CHD7: variants seen among roughly 807,000 people sequenced by gnomAD.
CHD7 encodes ATP-dependent chromatin remodeler CHD7.
A neutral mutation model predicts 307.3 loss-of-function variants in CHD7; 24 were observed. That is an observed-to-expected ratio of 0.08 (90% CI 0.06 to 0.11). The LOEUF is 0.11. Among genes scored for constraint, CHD7 ranks in the 10% least tolerant of loss-of-function variants. CHD7 has a pLI of 1.00. For synonymous variants in CHD7, 1,363 were observed against 1,349.9 expected, an observed-to-expected ratio of 1.01 and a Z score of -0.21; for missense variants, 3,106 against 3,727.1, an observed-to-expected ratio of 0.83 and a Z score of 4.34.
intron 1 of CHD7, among the ~76,000 whole-genome samples, chr8:60,680,759 G>T (rs188715827): frequency 6.6e-6 from 1 of 152,238 alleles, no homozygotes; most frequent in East Asian, 1.9e-4. Flanking sequence ...CCCACATGGA[G>T]AGAGTTTCCT....
At chr8:60,734,340 G>A (rs916769014) in intron 1 of CHD7, among the ~76,000 whole-genome samples, 1 of 152,160 alleles carries the variant, frequency 6.6e-6, no homozygotes, top group Non-Finnish European at 1.5e-5. Context: ...ACCAGCTCCC[G>A]GGGGTGCCAG....
chr8:60,765,025 G>A (rs1810398202), intron 2 of CHD7, among the ~76,000 whole-genome samples: 1 of 152,190 alleles, frequency 6.6e-6, no homozygotes. Flanking sequence ...GTAAATGCAC[G>A]AGGCAGCATG....
At chr8:60,737,014 A>T (rs1808746267) in intron 1 of CHD7, among the ~76,000 whole-genome samples, 1 of 152,080 alleles carries the variant, frequency 6.6e-6, no homozygotes, top group African/African-American at 2.4e-5. Flanking sequence ...TAAAAATTTA[A>T]CATGTGTTAT....
At chr8:60,760,304 A>C (rs1031982136) in intron 2 of CHD7, among the ~76,000 whole-genome samples, 2 of 151,590 alleles carry the variant, frequency 1.3e-5, no homozygotes, top group African/African-American at 2.4e-5. Context: ...AGAAAGCTGA[A>C]ACTGGATCCC....
chr8:60,859,713 G>A (rs1805879416), intron 34 of CHD7, among the ~76,000 whole-genome samples: 1 of 152,198 alleles, frequency 6.6e-6, no homozygotes, highest in Admixed American at 6.5e-5. Context: ...GAGCCTCTTG[G>A]GTTTGAAGAA....
intron 12 of CHD7, among the ~76,000 whole-genome samples, chr8:60,823,328 T>G (rs1013458696): frequency 6.6e-6 from 1 of 152,144 alleles, no homozygotes. Context: ...AAAATAGTTT[T>G]ATGTTATGGG....
chr8:60,862,622 T>C lies in CHD7; in HGVS notation c.8046T>C (p.Ala2682=). 1 of 1,570,088 alleles carries C rather than the reference T, an allele frequency of 6.4e-7. No homozygotes were observed. The change falls in exon 37 of 38, where the codon GCT becomes GCC. Residue 2682 remains alanine, a synonymous_variant. Transcript: ENST00000423902. ...AAGAAAATCCTGAATTTGCAGTTGC[T>C]CCAGACTGGACTGATATAGTTAAGC... The part of the protein sequence containing the change: ...WLEENPEFAV[A]PDWTDIVKQS...
chr8:60,778,776 T>C lies in CHD7; in HGVS notation c.1666-2224T>C, dbSNP rs185471607. Among the ~76,000 whole-genome samples, 155 of 152,380 alleles carry C rather than the reference T, an allele frequency of 1.0e-3. 1 individual carries two copies. In the Middle Eastern group the frequency reaches 0.01, roughly 10 times the overall value. Reference sequence around the variant, plus strand: ...AAGATAGGGCTTTTTCCTTTTTAATTACATTAAGGAATAATATGTACAAAC... The same window carrying C: ...AAGATAGGGCTTTTTCCTTTTTAATCACATTAAGGAATAATATGTACAAAC... On this transcript the variant is annotated intron_variant, in intron 2 of 37. Transcript: ENST00000423902.
At chr8:60,701,671 G>A (rs957011677) in intron 1 of CHD7, among the ~76,000 whole-genome samples, 3 of 152,194 alleles carry the variant, frequency 2.0e-5, no homozygotes, top group African/African-American at 7.2e-5. Flanking sequence ...TTTAAAGAGT[G>A]AATTTTATTT....
chr8:60,696,753 G>T (rs529026657), intron 1 of CHD7, among the ~76,000 whole-genome samples: 1 of 151,740 alleles, frequency 6.6e-6, no homozygotes, highest in South Asian at 2.1e-4. Flanking sequence ...TAATTTTGTG[G>T]TATAGACAGG....
chr8:60,766,477 A>G (rs1810475237), intron 2 of CHD7, among the ~76,000 whole-genome samples: 1 of 152,202 alleles, frequency 6.6e-6, no homozygotes, highest in Non-Finnish European at 1.5e-5. Flanking sequence ...ACTGTGTAGC[A>G]GATTAACCAG....
rs140725613 is a variant in CHD7 at position 60,803,615 on chromosome 8, G to A, written c.2442+2022G>A. On this transcript the variant is annotated intron_variant, in intron 6 of 37. Coordinates refer to ENST00000423902, the MANE Select transcript of CHD7 (RefSeq NM_017780.4). ...CTTCTGGAAGGGAGATATGCTTTGAGGTATGATTTAAAATAAAGAAGAGAT... is the reference window on the plus strand; with the variant it reads ...CTTCTGGAAGGGAGATATGCTTTGAAGTATGATTTAAAATAAAGAAGAGAT... 1.1e-4 allele frequency among the ~76,000 whole-genome samples: 17 copies of A among 152,098 alleles called. No homozygotes were observed. The East Asian group carries it at 3.1e-3, about 28-fold the overall frequency.
intron 3 of CHD7, among the ~76,000 whole-genome samples, chr8:60,785,429 T>TA (rs901250869): frequency 3.3e-5 from 5 of 152,172 alleles, no homozygotes; most frequent in Admixed American, 6.5e-5. Context: ...ACTCTTATTT[T>TA]AAAAAAACAT....
intron 14 of CHD7, 149 bp downstream of exon 14, chr8:60,828,955 C>G (rs1448600662): frequency 4.3e-6 from 3 of 690,854 alleles, no homozygotes; most frequent in Non-Finnish European, 7.1e-6. Flanking sequence ...CTTGGACTTT[C>G]CAGGTCATCA....
chr8:60,828,173 A>T lies in CHD7; in HGVS notation c.3379-490A>T, dbSNP rs530888894. On this transcript the variant is annotated intron_variant, in intron 13 of 37. Coordinates refer to ENST00000423902, the MANE Select transcript of CHD7 (RefSeq NM_017780.4). ...AAGCTGACCTCTTTGCTAGTTGGAA[A>T]TTTTTGCAGAACAAAATAGTTTTTC... Among the ~76,000 whole-genome samples the T allele has an allele frequency of 2.4e-4, 37 of 152,348 alleles. 1 individual carries two copies. The South Asian group carries it at 7.7e-3, about 32-fold the overall frequency.
intron 2 of CHD7, among the ~76,000 whole-genome samples, chr8:60,764,913 A>G (rs1238765119): frequency 2.0e-5 from 3 of 152,230 alleles, no homozygotes; most frequent in Non-Finnish European, 4.4e-5. Context: ...TTGCCTTGAA[A>G]CAGTCTTCAA....
chr8:60,856,646 T>G lies in CHD7; in HGVS notation c.7366T>G (p.Ser2456Ala). ...CTCAAGAGAGGCAACAAGCTCTACC[T>G]CAAATTTTTCATCTCTTTCTTCAAA... ...KASREATSSTSNFSSLSSKFI... is the reference protein window; with the variant it reads ...KASREATSSTANFSSLSSKFI... The change falls in exon 34 of 38, where the codon TCA becomes GCA. Residue 2456 changes from serine (S) to alanine (A), a missense_variant. By Grantham distance (99) the Ser-to-Ala change is moderately conservative. Around this residue, in one of 10 missense-constraint regions of CHD7, gnomAD observed 1,030 missense variants for 1,165.4 expected, o/e 0.88. Transcript: ENST00000423902. 6.2e-7 allele frequency: 1 copy of G among 1,614,018 alleles called. No homozygotes were observed. The highest frequency in any genetic ancestry group is 8.5e-7 in the Non-Finnish European group (1 of 1,179,894).
chr8:60,818,371 A>G (rs1350803920), intron 8 of CHD7, among the ~76,000 whole-genome samples: 1 of 152,226 alleles, frequency 6.6e-6, no homozygotes, highest in Non-Finnish European at 1.5e-5. Flanking sequence ...GTGTAGGAAA[A>G]GTTAAGGATT....
At chr8:60,774,433 C>A (rs1477065276) in intron 2 of CHD7, among the ~76,000 whole-genome samples, 2 of 152,208 alleles carry the variant, frequency 1.3e-5, no homozygotes, top group Non-Finnish European at 2.9e-5. Flanking sequence ...TACAGTGTTG[C>A]AGGATGGCTT....
Sources: allele counts gnomAD v4.1 joint callset (sites outside exome capture counted in the v4.1 genomes callset), GRCh38; gene constraint gnomAD v4.1.1; regional missense constraint gnomAD v4.1.1; transcripts MANE v1.5; gene names NCBI Gene and HGNC (gene_info 2026-07-23, HGNC 2026-07-21).